ARHGEF10L: variants seen among roughly 807,000 people sequenced by gnomAD.
ARHGEF10L encodes rho guanine nucleotide exchange factor 10-like protein.
In ARHGEF10L, 69 loss-of-function variants were observed where a neutral mutation model predicts 141.2. The observed-to-expected ratio is 0.49, with a 90% CI of 0.40 to 0.60. ARHGEF10L has a LOEUF of 0.60. ARHGEF10L is among the 20% of genes least tolerant of loss of function. The pLI, the probability that ARHGEF10L is intolerant of heterozygous loss-of-function variation, is 0.00. For missense variants in ARHGEF10L, 1,482 were observed against 1,734.3 expected (o/e 0.85, Z 2.58); for synonymous variants, 711 against 718.5 (o/e 0.99, Z 0.17).
Position 17,603,455 on chromosome 1 carries a change from G to A in ARHGEF10L, c.350-53G>A, listed in dbSNP as rs2080882865. On this transcript the variant is annotated intron_variant, in intron 5 of 28. Coordinates refer to ENST00000361221, the MANE Select transcript of ARHGEF10L (RefSeq NM_018125.4). The surrounding 1 kb of genome is among the most constrained non-coding windows in gnomAD (Gnocchi z 4.8). ...TCCTGATGTCATCTGCAGCACCTCTGGCCAGGCTGCCACAGCCCACGGTGG... is the reference window on the plus strand; with the variant it reads ...TCCTGATGTCATCTGCAGCACCTCTAGCCAGGCTGCCACAGCCCACGGTGG... 1.3e-6 allele frequency: 2 copies of A among 1,504,418 alleles called. No individual in the cohort carries two copies. The highest frequency in any genetic ancestry group is 1.7e-5 in the Admixed American group (1 of 57,716). The allele number at this position is 1,504,418 out of a possible 1,614,324, so 93.2% of individuals were successfully genotyped here. A position where few individuals can be genotyped will look rare whatever the true frequency, so the allele number is the denominator to read the frequency against.
At chr1:17,530,160 C>A in the ARHGEF10L span, among the ~76,000 whole-genome samples, 1 of 152,044 alleles carries the variant, frequency 6.6e-6, no homozygotes, top group African/African-American at 2.4e-5. Context: ...CCTTTACTGG[C>A]AGCTCCTGGA....
At chr1:17,616,742 G>A (rs1261375982) in intron 9 of ARHGEF10L, among the ~76,000 whole-genome samples, 4 of 152,212 alleles carry the variant, frequency 2.6e-5, no homozygotes, top group Admixed American at 2.6e-4. Flanking sequence ...TGCCCTGGGG[G>A]GCATGGAGGA....
At chr1:17,599,085 C>G (rs1017206732) in intron 4 of ARHGEF10L, among the ~76,000 whole-genome samples, 2 of 152,102 alleles carry the variant, frequency 1.3e-5, no homozygotes, top group African/African-American at 4.8e-5. Flanking sequence ...GGCTCACTCC[C>G]AGCACTTTGG....
Position 17,627,929 on chromosome 1 carries a change from G to A in ARHGEF10L, c.1584+426G>A, listed in dbSNP as rs564828927. Reference sequence around the variant, plus strand: ...GCACCGGAGCCCTAGGGCTGCTGCCGCAAAAGAGGGAGCTGGCAAAGTGGC... The same window carrying A: ...GCACCGGAGCCCTAGGGCTGCTGCCACAAAAGAGGGAGCTGGCAAAGTGGC... On this transcript the variant is annotated intron_variant, in intron 15 of 28. Transcript: ENST00000361221. This position sits in a 1 kb window ranked among gnomAD's most constrained non-coding sequence, Gnocchi z 4.0. 5.9e-5 allele frequency among the ~76,000 whole-genome samples: 9 copies of A among 152,108 alleles called. No homozygotes were observed. The highest frequency in any genetic ancestry group is 2.6e-4 in the Admixed American group (4 of 15,286).
chr1:17,683,868 C>T (rs981605186), intron 26 of ARHGEF10L, among the ~76,000 whole-genome samples: 4 of 152,228 alleles, frequency 2.6e-5, no homozygotes, highest in Non-Finnish European at 4.4e-5. Flanking sequence ...GATTCAGGTG[C>T]AGCTTTCCTT....
chr1:17,648,686 C>G lies in ARHGEF10L; in HGVS notation c.2394+11C>G. The G allele has an allele frequency of 6.2e-7, 1 of 1,611,586 alleles. No homozygotes were observed. Among genetic ancestry groups the G allele is most frequent in the Non-Finnish European group, 8.5e-7 (1 of 1,179,396 alleles). On this transcript the variant is annotated intron_variant, in intron 22 of 28. Transcript: ENST00000361221. Reference sequence around the variant, plus strand: ...GCACTCAGCCTGCAGGTGAGTGGAGCGGATCTTGCTGAGCCGACCTCGAAG... The same window carrying G: ...GCACTCAGCCTGCAGGTGAGTGGAGGGGATCTTGCTGAGCCGACCTCGAAG...
the ARHGEF10L span, among the ~76,000 whole-genome samples, chr1:17,528,311 C>T: frequency 9.2e-5 from 14 of 151,894 alleles, no homozygotes; most frequent in African/African-American, 3.4e-4. Flanking sequence ...AACTCCTGGG[C>T]TCAAGTGATC....
chr1:17,655,797 C>T, intron 23 of ARHGEF10L, 82 bp from the exon 24 acceptor site: 3 of 1,317,062 alleles, frequency 2.3e-6, no homozygotes, highest in South Asian at 1.4e-5. Flanking sequence ...GGATGGGGTC[C>T]TTGGGAAAGC....
chr1:17,606,317 G>A (rs1273635437), intron 6 of ARHGEF10L, among the ~76,000 whole-genome samples: 2 of 148,676 alleles, frequency 1.3e-5, no homozygotes, highest in African/African-American at 2.5e-5. Context: ...TTTTTGAGAT[G>A]TTGTCTCTCT....
At chr1:17,581,893 G>T (rs557648475) in intron 2 of ARHGEF10L, among the ~76,000 whole-genome samples, 2 of 136,316 alleles carry the variant, frequency 1.5e-5, no homozygotes, top group South Asian at 5.6e-4. Flanking sequence ...GGCGGGGGGT[G>T]GGGAGCAGCA....
intron 26 of ARHGEF10L, among the ~76,000 whole-genome samples, chr1:17,675,461 GT>G (rs1223153372): frequency 1.3e-5 from 2 of 151,718 alleles, no homozygotes; most frequent in Non-Finnish European, 2.9e-5. Context: ...GTGGGTGCAG[GT>G]GTGGGTACAG....
intron 27 of ARHGEF10L, chr1:17,691,244 A>C (rs1349695279): frequency 2.5e-6 from 1 of 395,862 alleles, no homozygotes; most frequent in Non-Finnish European, 4.9e-6. Context: ...TTTATTCACC[A>C]TTAGAATTTT....
chr1:17,624,958 T>C (rs1037815280), intron 13 of ARHGEF10L, among the ~76,000 whole-genome samples: 1 of 152,256 alleles, frequency 6.6e-6, no homozygotes, highest in Non-Finnish European at 1.5e-5. Context: ...TGAGTTCTCA[T>C]GTGCCCAGCC....
the ARHGEF10L span, among the ~76,000 whole-genome samples, chr1:17,531,174 AGAG>A: frequency 6.6e-6 from 1 of 152,218 alleles, no homozygotes; most frequent in African/African-American, 2.4e-5. Flanking sequence ...GGTGGCCTTC[AGAG>A]GAGGAGTGGG....
chr1:17,640,658 A>T (rs2061278143), intron 21 of ARHGEF10L, among the ~76,000 whole-genome samples: 1 of 152,176 alleles, frequency 6.6e-6, no homozygotes, highest in African/African-American at 2.4e-5. Context: ...CTAAAATTAG[A>T]TGGTGGTGAT....
At chr1:17,612,199 C>T (rs897642605) in intron 7 of ARHGEF10L, among the ~76,000 whole-genome samples, 1 of 152,196 alleles carries the variant, frequency 6.6e-6, no homozygotes, top group African/African-American at 2.4e-5. Context: ...AGTGATGTCA[C>T]TTTGGTAGCT....
At chr1:17,533,044 GT>G in the ARHGEF10L span, among the ~76,000 whole-genome samples, 1 of 152,144 alleles carries the variant, frequency 6.6e-6, no homozygotes, top group African/African-American at 2.4e-5. Flanking sequence ...GGGACAGACA[GT>G]ACCACCTGAA....
intron 15 of ARHGEF10L, among the ~76,000 whole-genome samples, chr1:17,631,617 C>T (rs1462586839): frequency 6.6e-6 from 1 of 152,224 alleles, no homozygotes; most frequent in Non-Finnish European, 1.5e-5. Context: ...GCCTCTCAGG[C>T]CATGACCTGT....
intron 26 of ARHGEF10L, among the ~76,000 whole-genome samples, chr1:17,674,906 T>G (rs2063548449): frequency 6.6e-6 from 1 of 152,166 alleles, no homozygotes; most frequent in African/African-American, 2.4e-5. Flanking sequence ...GCAGTCAGCT[T>G]TACCGCCTAG....
Sources: allele counts gnomAD v4.1 joint callset (sites outside exome capture counted in the v4.1 genomes callset), GRCh38; gene constraint gnomAD v4.1.1; non-coding constraint Gnocchi (gnomAD v3.1); transcripts MANE v1.5; gene names NCBI Gene and HGNC (gene_info 2026-07-23, HGNC 2026-07-21).